The following KMT2C variants were observed in gnomAD, a reference collection of about 807,000 sequenced individuals.
KMT2C encodes lysine methyltransferase 2C.
A neutral mutation model predicts 507.9 loss-of-function variants in KMT2C; 88 were observed. The ratio of observed to expected loss-of-function variants is 0.17; its 90% CI spans 0.15 to 0.21. The LOEUF is 0.21. Ranked by LOEUF, KMT2C falls within the 10% of genes least tolerant of loss-of-function variation. KMT2C has a pLI of 1.00. For synonymous variants in KMT2C, 2,049 were observed against 2,080.8 expected, an observed-to-expected ratio of 0.98 and a Z score of 0.42; for missense variants, 4,954 against 5,957.8, an observed-to-expected ratio of 0.83 and a Z score of 5.55.
chr7:152,169,146 C>T (rs375191280), intron 41 of KMT2C, 40 bp downstream of exon 41: 3 of 1,253,980 alleles, frequency 2.4e-6, no homozygotes, highest in Non-Finnish European at 3.5e-6. Context: ...TGCAGACAAG[C>T]AATCCCCAGA....
intron 7 of KMT2C, among the ~76,000 whole-genome samples, chr7:152,269,085 T>C (rs2095911227): frequency 2.0e-5 from 3 of 152,232 alleles, no homozygotes; most frequent in African/African-American, 7.2e-5. Flanking sequence ...ATTACTTATG[T>C]TGCTCACATT....
Position 152,248,572 on chromosome 7 carries a change from T to C in KMT2C, c.1862A>G (p.Asn621Ser), listed in dbSNP as rs1252102872. The C allele has an allele frequency of 1.2e-6, 2 of 1,613,468 alleles. No homozygotes were observed. Among genetic ancestry groups the C allele is most frequent in the Non-Finnish European group, 1.7e-6 (2 of 1,179,660 alleles). ...TTTCAGGTCTTCACTATCAACTTCA[T>C]TAGAAATCTGTTTTTCCAATTCAGT... ...VNTELEKQIS[N>S]EVDSEDLKMS... The change falls in exon 14 of 59, where the codon AAT becomes AGT. Residue 621 changes from asparagine (N) to serine (S), a missense_variant. Asn to Ser is a conservative substitution (Grantham distance 46). Around this residue, in one of 29 missense-constraint regions of KMT2C, gnomAD observed 376 missense variants for 352.4 expected, o/e 1.07. Transcript: ENST00000262189.
In KMT2C at chr7:152,311,782, G is replaced by A. The variant is rs755765349; in HGVS notation, c.739+16C>T. The stretch of plus-strand genomic sequence containing the variant: ...CCAGAATTAAGAGGCAGTCATTATT[G>A]AAAACATGCCCATACCTGTAGAATC... On this transcript the variant is annotated intron_variant, in intron 5 of 58. Transcript: ENST00000262189. The A allele has an allele frequency of 6.5e-7, 1 of 1,548,612 alleles. No individual in the cohort carries two copies. The highest frequency in any genetic ancestry group is 1.8e-5 in the Admixed American group (1 of 54,966).
Position 152,366,985 on chromosome 7 carries a change from A to T in KMT2C, c.162-8310T>A, listed in dbSNP as rs141072596. On this transcript the variant is annotated intron_variant, in intron 1 of 58. Coordinates refer to ENST00000262189, the MANE Select transcript of KMT2C (RefSeq NM_170606.3). ...CTCCTCAATGGCCAGCGCCAGTTGCAGCCCCGGCCGCACCCTTGCCTCACC... is the reference window on the plus strand; with the variant it reads ...CTCCTCAATGGCCAGCGCCAGTTGCTGCCCCGGCCGCACCCTTGCCTCACC... 4.2e-4 allele frequency: 232 copies of T among 552,346 alleles called. 1 individual carries two copies. Among genetic ancestry groups the T allele is most frequent in the Admixed American group, 1.6e-3 (50 of 30,952 alleles). The allele number at this position is 552,346 out of a possible 1,614,324, so 34.2% of individuals were successfully genotyped here.
chr7:152,243,425 A>G (rs890792330), intron 14 of KMT2C, among the ~76,000 whole-genome samples: 3 of 152,224 alleles, frequency 2.0e-5, no homozygotes, highest in African/African-American at 7.2e-5. Flanking sequence ...TAAACTTCTT[A>G]TAATTTGTCC....
chr7:152,388,005 A>G (rs916157126), intron 1 of KMT2C, among the ~76,000 whole-genome samples: 1 of 151,592 alleles, frequency 6.6e-6, no homozygotes, highest in Non-Finnish European at 1.5e-5. Flanking sequence ...TATCATTTAC[A>G]GTAATGCAAA....
intron 7 of KMT2C, among the ~76,000 whole-genome samples, chr7:152,269,544 C>T (rs1291522475): frequency 1.3e-5 from 2 of 152,148 alleles, no homozygotes; most frequent in Non-Finnish European, 2.9e-5. Context: ...AAGCAATAAT[C>T]AACTAAGAAA....
intron 1 of KMT2C, chr7:152,368,643 G>A (rs2097267096): frequency 6.8e-7 from 1 of 1,461,408 alleles, no homozygotes. Flanking sequence ...AGAACAAGAA[G>A]AAAGGGAAGA....
intron 23 of KMT2C, among the ~76,000 whole-genome samples, chr7:152,217,339 A>G (rs1466646950): frequency 2.0e-5 from 3 of 152,320 alleles, no homozygotes; most frequent in East Asian, 1.9e-4. Context: ...ATAGTAATCT[A>G]AAACATTTTT....
chr7:152,227,210 A>G (rs1172005811), intron 18 of KMT2C, among the ~76,000 whole-genome samples: 1 of 152,172 alleles, frequency 6.6e-6, no homozygotes, highest in African/African-American at 2.4e-5. Context: ...CAACACTTCA[A>G]CAATTTCTCC....
intron 15 of KMT2C, among the ~76,000 whole-genome samples, chr7:152,238,399 GCAA>G (rs2095324544): frequency 6.6e-6 from 1 of 151,982 alleles, no homozygotes; most frequent in African/African-American, 2.4e-5. Context: ...TTTTTTCTAA[GCAA>G]CAAGGTTTTA....
At chr7:152,230,845 T>G (rs1487831366) in intron 16 of KMT2C, among the ~76,000 whole-genome samples, 1 of 152,212 alleles carries the variant, frequency 6.6e-6, no homozygotes, top group Non-Finnish European at 1.5e-5. Flanking sequence ...TGAGAGGAGT[T>G]TCACTCTTGT....
chr7:152,371,595 T>G (rs2129241409), intron 1 of KMT2C, among the ~76,000 whole-genome samples: 1 of 151,384 alleles, frequency 6.6e-6, no homozygotes, highest in East Asian at 1.9e-4. Context: ...GCTGAGTGAT[T>G]TTTTTTTTAA....
chr7:152,182,630 G>T, intron 35 of KMT2C, 36 bp from the exon 36 acceptor site: 1 of 1,498,634 alleles, frequency 6.7e-7, no homozygotes, highest in South Asian at 1.4e-5. Flanking sequence ...ATCATATTTA[G>T]GTTAAGGAAG....
chr7:152,191,372 T>C (rs1444747085), intron 31 of KMT2C, among the ~76,000 whole-genome samples: 1 of 152,206 alleles, frequency 6.6e-6, no homozygotes, highest in East Asian at 1.9e-4. Flanking sequence ...GGTTTATACA[T>C]AGTCTAATTC....
rs2091359929 is a variant in KMT2C at position 152,148,629 on chromosome 7, G to A, written c.13298C>T (p.Ala4433Val). The A allele has an allele frequency of 6.2e-7, 1 of 1,614,198 alleles. No homozygotes were observed. The highest frequency in any genetic ancestry group is 8.5e-7 in the Non-Finnish European group (1 of 1,180,046). ...DLDLWVHLNC[A>V]LWSTEVYETQ... ...CTCATAGACCTCCGTGGACCACAGAGCGCAGTTCAAGTGGACCCACAGATC... is the reference window on the plus strand; with the variant it reads ...CTCATAGACCTCCGTGGACCACAGAACGCAGTTCAAGTGGACCCACAGATC... Residue 4433 changes from alanine to valine, a missense_variant, in exon 52 of 59, where the codon GCT (alanine) becomes GTT (valine). Coordinates refer to ENST00000262189, the MANE Select transcript of KMT2C (RefSeq NM_170606.3). The surrounding 1 kb of genome is among the most constrained non-coding windows in gnomAD (Gnocchi z 7.1).
At chr7:152,350,221 G>C (rs939870926) in intron 2 of KMT2C, among the ~76,000 whole-genome samples, 1 of 152,140 alleles carries the variant, frequency 6.6e-6, no homozygotes, top group Non-Finnish European at 1.5e-5. Flanking sequence ...TTGCACTCCA[G>C]CTTGGGCAAG....
intron 9 of KMT2C, 51 bp from the exon 10 acceptor site, chr7:152,252,766 T>A: frequency 7.4e-7 from 1 of 1,354,118 alleles, no homozygotes; most frequent in Non-Finnish European, 1.0e-6. Context: ...GCATTTGTAA[T>A]TGTAGTTCTG....
intron 15 of KMT2C, among the ~76,000 whole-genome samples, chr7:152,237,662 T>G (rs1377841005): frequency 6.6e-6 from 1 of 152,010 alleles, no homozygotes; most frequent in African/African-American, 2.4e-5. Context: ...CACACCCGGC[T>G]AAATTTCTTT....
Sources: allele counts gnomAD v4.1 joint callset (sites outside exome capture counted in the v4.1 genomes callset), GRCh38; gene constraint gnomAD v4.1.1; regional missense constraint gnomAD v4.1.1; non-coding constraint Gnocchi (gnomAD v3.1); transcripts MANE v1.5; gene names NCBI Gene and HGNC (gene_info 2026-07-23, HGNC 2026-07-21).